Variants in TMC4 observed in about 807,000 individuals in gnomAD.
The protein encoded by TMC4 is transmembrane channel like 4.
In TMC4, 70 loss-of-function variants were observed where a neutral mutation model predicts 82.0. The observed-to-expected ratio is 0.85, with a 90% CI of 0.70 to 1.04. TMC4 has a LOEUF of 1.04. Ranked by LOEUF, TMC4 falls within the 50% of genes least tolerant of loss-of-function variation. TMC4 has a pLI of 0.00. For missense variants in TMC4, 879 were observed against 899.0 expected (o/e 0.98, Z 0.28); for synonymous variants, 446 against 406.0 (o/e 1.10, Z -1.18).
In TMC4 at chr19:54,162,295, G is replaced by A; in HGVS notation, c.1503-10C>T. 6.5e-7 allele frequency: 1 copy of A among 1,531,060 alleles called. No individual in the cohort carries two copies. The highest frequency in any genetic ancestry group is 8.8e-7 in the Non-Finnish European group (1 of 1,141,822). 94.8% of individuals were successfully genotyped at this position (1,531,060 alleles called of 1,614,324 possible). On this transcript the variant is annotated splice_polypyrimidine_tract_variant and intron_variant, in intron 10 of 14. Transcript: ENST00000619895. ...GAGGCCACAGAGGAGCCTGAAGGAC[G>A]GGGCGGGGCCGGGCCGGAGTCAGGG...
At chr19:54,160,648 C>T in intron 13 of TMC4, 103 bp from the exon 14 acceptor site, 2 of 1,558,482 alleles carry the variant, frequency 1.3e-6, no homozygotes, top group Non-Finnish European at 8.7e-7. Context: ...AGCCCCTCCT[C>T]GTCTGGGCTC....
At position 54,162,278 on chromosome 19, in the gene TMC4, A is replaced by C; in HGVS notation, c.1510T>G (p.Cys504Gly). Reference sequence around the variant, plus strand: ...CCCAGCGCCCCAGGACAGAGGCCACAGAGGAGCCTGAAGGACGGGGCGGGG... The same window carrying C: ...CCCAGCGCCCCAGGACAGAGGCCACCGAGGAGCCTGAAGGACGGGGCGGGG... ...LLIQFPRKLL[C>G]GLCPGALGRL... is the part of the protein sequence containing the mutation. Residue 504 changes from cysteine to glycine, a missense_variant, in exon 11 of 15, where the codon TGT becomes GGT. Transcript: ENST00000619895. The C allele has an allele frequency of 6.4e-7, 1 of 1,574,056 alleles. No individual in the cohort carries two copies. The highest frequency in any genetic ancestry group is 1.4e-5 in the African/African-American group (1 of 72,972).
At chr19:54,168,972 T>TTCTC (rs202088479) in intron 3 of TMC4, among the ~76,000 whole-genome samples, 2 of 22,398 alleles carry the variant, frequency 8.9e-5, no homozygotes, top group Non-Finnish European at 1.5e-4. Context: ...TCCTTCTTCT[T>TTCTC]TCTCTCTCTC....
intron 5 of TMC4, 87 bp downstream of exon 5, chr19:54,168,077 CTGAGGAT>C (rs1213434851): frequency 7.2e-7 from 1 of 1,382,796 alleles, no homozygotes. Flanking sequence ...AAAAAAAAGA[CTGAGGAT>C]TCTTGGGGAG....
At position 54,173,125 on chromosome 19, in the gene TMC4, G is replaced by A. The variant is rs755772042; in HGVS notation, c.-8C>T. 6.2e-7 allele frequency: 1 copy of A among 1,613,462 alleles called. No homozygotes were observed. The highest frequency in any genetic ancestry group is 8.5e-7 in the Non-Finnish European group (1 of 1,179,728). On this transcript the variant is annotated 5_prime_UTR_variant, in exon 1 of 15. Transcript: ENST00000619895. Reference sequence around the variant, plus strand: ...GGTCGGGTTTTCTTCCATGGCCCCAGGCTGGGCTGTCTCTAGTGGCCACCA... The same window carrying A: ...GGTCGGGTTTTCTTCCATGGCCCCAAGCTGGGCTGTCTCTAGTGGCCACCA...
At position 54,163,865 on chromosome 19, in the gene TMC4, A is replaced by G. The variant is rs1387661803; in HGVS notation, c.1136T>C (p.Leu379Ser). The change falls in exon 8 of 15, where the codon TTG becomes TCG. Residue 379 changes from leucine (L) to serine (S), a missense_variant. Leu to Ser is a moderately radical substitution (Grantham distance 145). Transcript: ENST00000619895. The stretch of plus-strand genomic sequence containing the variant: ...ATTCACCCCAAGCTTCAGCAGTGGC[A>G]ACTCCTGGACAAGGGGCATCTCCTG... ...ELQEMPLVQE[L>S]PLLKLGVNYL... 1 of 1,613,934 alleles carries G rather than the reference A, an allele frequency of 6.2e-7. No individual in the cohort carries two copies. The highest frequency in any genetic ancestry group is 1.3e-5 in the African/African-American group (1 of 74,894).
intron 7 of TMC4, 119 bp from the exon 8 acceptor site, chr19:54,164,006 G>A (rs2075638595): frequency 8.1e-6 from 9 of 1,109,308 alleles, no homozygotes; most frequent in East Asian, 5.2e-5. Flanking sequence ...ACAGAGTCTC[G>A]CTCTGTTACC....
chr19:54,168,130 A>C (rs776559884), intron 5 of TMC4, 41 bp downstream of exon 5: 1 of 1,571,092 alleles, frequency 6.4e-7, no homozygotes, highest in Non-Finnish European at 8.7e-7. Flanking sequence ...TCCCCACCCC[A>C]ACCCGTCCCG....
chr19:54,163,412 G>A (rs2075619910), intron 8 of TMC4: 2 of 622,078 alleles, frequency 3.2e-6, no homozygotes, highest in South Asian at 2.0e-5. Flanking sequence ...CCAGGCTCGA[G>A]CCATTCTCCT....
intron 1 of TMC4, among the ~76,000 whole-genome samples, 196 bp from the exon 2 acceptor site, chr19:54,172,279 T>C (rs12973757): frequency 0.053 from 53 of 998 alleles, 1 homozygote; most frequent in African/African-American, 0.18. Context: ...GGCCCCCGGC[T>C]CCTCCTCCCT....
At position 54,164,432 on chromosome 19, in the gene TMC4, AC is replaced by A. The variant is rs757297364; in HGVS notation, c.1113+1del. On this transcript the variant is annotated splice_donor_variant, in intron 7 of 14. Coordinates refer to ENST00000619895, the MANE Select transcript of TMC4 (RefSeq NM_144686.4). LOFTEE classifies it high-confidence loss of function. ...GGCTTCCTCTTCCAAGACCGTCCGC[AC>A]CTGCAGCTCCACGGTGCACCCCGTA... is the stretch of plus-strand genomic sequence containing the variant. The A allele has an allele frequency of 6.2e-7, 1 of 1,609,272 alleles. No homozygotes were observed. The highest frequency in any genetic ancestry group is 1.1e-5 in the South Asian group (1 of 90,850).
chr19:54,162,791 T>A lies in TMC4; in HGVS notation c.1405-21A>T, dbSNP rs760267084. On this transcript the variant is annotated intron_variant, in intron 9 of 14. Coordinates refer to ENST00000619895, the MANE Select transcript of TMC4 (RefSeq NM_144686.4). ...CAGCACTGAAGAAGGAAGAAATATA[T>A]CAGAAAGAACTCGGGACCCGGGCAC... The A allele has an allele frequency of 1.9e-6, 3 of 1,609,194 alleles. No individual in the cohort carries two copies. In the African/African-American group the frequency reaches 4.0e-5, roughly 22 times the overall value.
At position 54,160,462 on chromosome 19, in the gene TMC4, C is replaced by T. The variant is rs1221375319; in HGVS notation, c.2052+5G>A. On this transcript the variant is annotated splice_donor_5th_base_variant and intron_variant, in intron 14 of 14. Coordinates refer to ENST00000619895, the MANE Select transcript of TMC4 (RefSeq NM_144686.4). ...GGGGCCCTCTCAGGGACCCGCCTGG[C>T]TCACCGTCTCTCTCTGACGTTTGAG... 8.7e-6 allele frequency: 14 copies of T among 1,613,374 alleles called. No homozygotes were observed. The highest frequency in any genetic ancestry group is 1.3e-5 in the African/African-American group (1 of 74,904).
Position 54,165,542 on chromosome 19 carries a change from T to C in TMC4, c.822A>G (p.Thr274=). The change falls in exon 6 of 15, where the codon ACA becomes ACG. Residue 274 remains threonine, a synonymous_variant. Coordinates refer to ENST00000619895, the MANE Select transcript of TMC4 (RefSeq NM_144686.4). The part of the protein sequence containing the change: ...LHRSVSGLKQ[T]LLAESEALTS... ...TCAGAGCCTCGGACTCCGCCAGCAG[T>C]GTCTGCTTCAGCCCAGACACCGAGC... The C allele has an allele frequency of 1.2e-6, 2 of 1,609,590 alleles. No individual in the cohort carries two copies. Among genetic ancestry groups the C allele is most frequent in the Non-Finnish European group, 1.7e-6 (2 of 1,177,242 alleles).
In TMC4 at chr19:54,160,305, G is replaced by C. The variant is rs781888343; in HGVS notation, c.*1C>G. ...TGAAAGCGGGACGTGGGCTGCGGGG[G>C]TCAAAGAGCCGGTTTGGTGGAGGTC... On this transcript the variant is annotated 3_prime_UTR_variant, in exon 15 of 15. Transcript: ENST00000619895. 2.0e-6 allele frequency: 3 copies of C among 1,516,668 alleles called. No individual in the cohort carries two copies. The highest frequency in any genetic ancestry group is 2.6e-5 in the South Asian group (2 of 75,568). 94.0% of individuals were successfully genotyped at this position (1,516,668 alleles called of 1,614,324 possible). A position where few individuals can be genotyped will look rare whatever the true frequency, so the allele number is the denominator to read the frequency against.
chr19:54,166,856 G>A (rs562625222), intron 5 of TMC4, among the ~76,000 whole-genome samples: 1 of 152,288 alleles, frequency 6.6e-6, no homozygotes, highest in South Asian at 2.1e-4. Context: ...GGGAGGTTGA[G>A]GCAGGAAAAT....
chr19:54,162,310 C>T, intron 10 of TMC4, 25 bp from the exon 11 acceptor site: 1 of 1,329,510 alleles, frequency 7.5e-7, no homozygotes, highest in South Asian at 1.5e-5. Context: ...GGGGCCGGGC[C>T]GGAGTCAGGG....
chr19:54,162,386 T>TTGGGGG, intron 10 of TMC4, 101 bp from the exon 11 acceptor site: 1 of 350,858 alleles, frequency 2.9e-6, no homozygotes, highest in Non-Finnish European at 4.9e-6. Context: ...TGCGTATTGG[T>TTGGGGG]GGTGGGGGGG....
intron 5 of TMC4, among the ~76,000 whole-genome samples, chr19:54,166,810 G>A (rs182411957): frequency 2.0e-5 from 3 of 152,206 alleles, no homozygotes; most frequent in East Asian, 1.9e-4. Context: ...AAAATTAGCC[G>A]GGCATGGTGG....
Sources: gnomAD v4.1 joint callset for allele counts (sites outside exome capture counted in the v4.1 genomes callset) on GRCh38, gnomAD v4.1.1 for gene constraint, MANE v1.5 for transcripts, NCBI Gene and HGNC (gene_info 2026-07-23, HGNC 2026-07-21) for gene names.